Variants in TMEM132E observed in about 807,000 individuals in gnomAD.
TMEM132E encodes the protein transmembrane protein 132E.
In TMEM132E, 49 loss-of-function variants were observed where a neutral mutation model predicts 78.5. That is an observed-to-expected ratio of 0.62 (90% CI 0.50 to 0.79). The LOEUF is 0.79. Ranked by LOEUF, TMEM132E falls within the 30% of genes least tolerant of loss-of-function variation. The pLI, the probability that TMEM132E is intolerant of heterozygous loss-of-function variation, is 0.00. For synonymous variants in TMEM132E, 715 were observed against 670.6 expected, an observed-to-expected ratio of 1.07 and a Z score of -1.02; for missense variants, 1,403 against 1,470.9, an observed-to-expected ratio of 0.95 and a Z score of 0.75.
rs2142087627 is a variant in TMEM132E at position 34,636,028 on chromosome 17, G to T, written c.1999G>T (p.Ala667Ser). ...TCAGGTGGTGTCTCCGCTGACGGAG[G>T]CTGTGCTCGGGGAGACGCTGCTGAC... The part of the protein sequence containing the change: ...PFKVVSPLTE[A>S]VLGETLLTVT... The change falls in exon 8 of 9, where the codon GCT becomes TCT. Residue 667 changes from alanine to serine, a missense_variant. Physicochemically the swap from Ala to Ser is moderately conservative, Grantham distance 99. Coordinates refer to ENST00000631683, the MANE Select transcript of TMEM132E (RefSeq NM_001304438.2). 1 of 1,523,262 alleles carries T rather than the reference G, an allele frequency of 6.6e-7. No individual in the cohort carries two copies. Among genetic ancestry groups the T allele is most frequent in the Admixed American group, 2.2e-5 (1 of 45,760 alleles). 94.4% of individuals were successfully genotyped at this position (1,523,262 alleles called of 1,614,324 possible).
At chr17:34,593,814 A>C (rs1370434611) in intron 1 of TMEM132E, among the ~76,000 whole-genome samples, 3 of 152,244 alleles carry the variant, frequency 2.0e-5, no homozygotes, top group Non-Finnish European at 4.4e-5. Context: ...AGTGAGAGCC[A>C]AAGTCCTCAC....
rs753785808 is a variant in TMEM132E at position 34,637,209 on chromosome 17, T to C, written c.2202T>C (p.Ser734=). The change falls in exon 9 of 9, where the codon AGT becomes AGC. Residue 734 remains serine (S), a synonymous_variant. Coordinates refer to ENST00000631683, the MANE Select transcript of TMEM132E (RefSeq NM_001304438.2). ...EALLSLWLSY[S]DGTTAPLSLY... ...TACTGAGCCTCTGGCTCTCCTACAG[T>C]GATGGCACCACAGCCCCACTCTCCC... The C allele has an allele frequency of 1.2e-6, 2 of 1,610,276 alleles. No homozygotes were observed. Among genetic ancestry groups the C allele is most frequent in the Admixed American group, 3.3e-5 (2 of 59,942 alleles).
At position 34,596,492 on chromosome 17, in the gene TMEM132E, A is replaced by G. The variant is rs115394726; in HGVS notation, c.67+15349A>G. The stretch of plus-strand genomic sequence containing the variant: ...GTGTCATAGAGGATGTGTCACACCC[A>G]TTCAGCTTGGTCCCAGTGCCATCAA... On this transcript the variant is annotated intron_variant, in intron 1 of 8. Coordinates refer to ENST00000631683, the MANE Select transcript of TMEM132E (RefSeq NM_001304438.2). Among the ~76,000 whole-genome samples, 856 of 152,242 alleles carry G rather than the reference A, an allele frequency of 5.6e-3. 11 individuals are homozygous for G. The highest frequency in any genetic ancestry group is 0.019 in the African/African-American group (805 of 41,542).
intron 3 of TMEM132E, 84 bp from the exon 4 acceptor site, chr17:34,628,928 G>A (rs1490793508): frequency 4.1e-6 from 6 of 1,472,716 alleles, no homozygotes; most frequent in Non-Finnish European, 5.5e-6. Flanking sequence ...GGGGAGGGGT[G>A]GGGTCCCCAC....
intron 1 of TMEM132E, among the ~76,000 whole-genome samples, chr17:34,590,948 A>T (rs1905847373): frequency 6.6e-6 from 1 of 151,572 alleles, no homozygotes; most frequent in African/African-American, 2.4e-5. Flanking sequence ...ACCAGAAGTC[A>T]TCTGAGGCGC....
intron 1 of TMEM132E, among the ~76,000 whole-genome samples, chr17:34,614,204 C>T (rs535475212): frequency 6.6e-6 from 1 of 152,318 alleles, no homozygotes; most frequent in South Asian, 2.1e-4. Context: ...AAGAGAGGCT[C>T]TTCAACAGTG....
In TMEM132E at chr17:34,581,045, T is replaced by C. The variant is rs4795938; in HGVS notation, c.-32T>C. ...GGGCCAAGTCGTCGTCGACTGTTGC[T>C]CTCTCGGACCCCTCCCGCCCCCGCC... On this transcript the variant is annotated 5_prime_UTR_variant, in exon 1 of 9. Transcript: ENST00000631683. 0.85 allele frequency: 1,301,661 copies of C among 1,522,808 alleles called. 557,625 individuals carry two copies. The highest frequency in any genetic ancestry group is 0.97 in the African/African-American group (68,279 of 70,186). 94.3% of individuals were successfully genotyped at this position (1,522,808 alleles called of 1,614,324 possible).
chr17:34,598,465 C>G (rs895616740), intron 1 of TMEM132E, among the ~76,000 whole-genome samples: 3 of 152,098 alleles, frequency 2.0e-5, no homozygotes, highest in African/African-American at 7.2e-5. Flanking sequence ...TGCTGGGTAC[C>G]CAGCACCCTC....
At chr17:34,609,736 G>C (rs1291337673) in intron 1 of TMEM132E, among the ~76,000 whole-genome samples, 1 of 152,188 alleles carries the variant, frequency 6.6e-6, no homozygotes, top group Non-Finnish European at 1.5e-5. Context: ...TTTTGCAACA[G>C]TCTATGTGAA....
chr17:34,615,588 C>G (rs1288131423), intron 1 of TMEM132E, among the ~76,000 whole-genome samples: 2 of 151,134 alleles, frequency 1.3e-5, no homozygotes, highest in Admixed American at 1.3e-4. Context: ...CCCAGTCATT[C>G]CTTCACTCAC....
chr17:34,617,573 C>A (rs928135729), intron 1 of TMEM132E, among the ~76,000 whole-genome samples: 2 of 152,180 alleles, frequency 1.3e-5, no homozygotes, highest in Admixed American at 1.3e-4. Context: ...TTACACCAAG[C>A]GAGCAATTTG....
chr17:34,603,297 G>A (rs1304359067), intron 1 of TMEM132E, among the ~76,000 whole-genome samples: 1 of 152,064 alleles, frequency 6.6e-6, no homozygotes, highest in African/African-American at 2.4e-5. Context: ...GAGCCTGGAG[G>A]GTAACAGACA....
intron 1 of TMEM132E, 97 bp from the exon 2 acceptor site, chr17:34,626,030 C>A: frequency 4.3e-6 from 5 of 1,170,552 alleles, no homozygotes; most frequent in Non-Finnish European, 5.8e-6. Flanking sequence ...AGTTGGCAGC[C>A]CTCTGTGGGG....
intron 1 of TMEM132E, chr17:34,614,554 A>G (rs1447677132): frequency 6.6e-6 from 1 of 152,222 alleles, no homozygotes. Flanking sequence ...GAAATCACAG[A>G]TGCAGACAGA....
rs536934258 is a variant in TMEM132E at position 34,580,619 on chromosome 17, G to A, written c.-458G>A. 406 of 162,516 alleles carry A rather than the reference G, an allele frequency of 2.5e-3. 1 individual carries two copies. The highest frequency in any genetic ancestry group is 9.0e-3 in the African/African-American group (379 of 41,996). 10.1% of individuals were successfully genotyped at this position (162,516 alleles called of 1,614,324 possible). On this transcript the variant is annotated 5_prime_UTR_variant, in exon 1 of 9. Transcript: ENST00000631683. ...TGCAGGGGCTTGGAGGAAGAAAGCG[G>A]CGCTATCCATGTGCGGTTACTACCG...
At position 34,580,249 on chromosome 17, in the gene TMEM132E, A is replaced by C. The variant is rs907646076; in HGVS notation, c.-828A>C. The C allele has an allele frequency of 2.0e-5, 3 of 152,310 alleles. No homozygotes were observed. The highest frequency in any genetic ancestry group is 6.5e-5 in the Admixed American group (1 of 15,294). 9.4% of individuals were successfully genotyped at this position (152,310 alleles called of 1,614,324 possible). ...TCCCTCGCTTCTCCAAGCCCCATCT[A>C]CATGGGGCAGCCCGTTCTGGCCGCG... On this transcript the variant is annotated 5_prime_UTR_variant, in exon 1 of 9. Coordinates refer to ENST00000631683, the MANE Select transcript of TMEM132E (RefSeq NM_001304438.2).
chr17:34,630,673 A>G (rs1447763867), intron 5 of TMEM132E, among the ~76,000 whole-genome samples: 1 of 152,168 alleles, frequency 6.6e-6, no homozygotes, highest in African/African-American at 2.4e-5. Context: ...AAGCCTCAAG[A>G]AACATATGAG....
chr17:34,613,207 A>ACGCGCG (rs1245968091), intron 1 of TMEM132E, among the ~76,000 whole-genome samples: 38 of 83,006 alleles, frequency 4.6e-4, no homozygotes, highest in East Asian at 2.0e-3. Context: ...CCACACACAC[A>ACGCGCG]CACACGCGCG....
rs189084568 is a variant in TMEM132E at position 34,615,508 on chromosome 17, C to T, written c.68-10619C>T. Among the ~76,000 whole-genome samples the T allele has an allele frequency of 4.4e-3, 542 of 124,218 alleles. 3 individuals carry two copies. Among genetic ancestry groups the T allele is most frequent in the African/African-American group, 0.015 (514 of 34,268 alleles). The allele number at this position is 124,218 out of a possible 152,430, so 81.5% of individuals were successfully genotyped here. A position where few individuals can be genotyped will look rare whatever the true frequency, so the allele number is the denominator to read the frequency against. On this transcript the variant is annotated intron_variant, in intron 1 of 8. Coordinates refer to ENST00000631683, the MANE Select transcript of TMEM132E (RefSeq NM_001304438.2). ...AGCAAGGGTGCCTGCAAGGGGAAGACTGGCACAGATGTGTGTGTGTGTGTG... is the reference window on the plus strand; with the variant it reads ...AGCAAGGGTGCCTGCAAGGGGAAGATTGGCACAGATGTGTGTGTGTGTGTG...
Sources: allele counts gnomAD v4.1 joint callset (sites outside exome capture counted in the v4.1 genomes callset), GRCh38; gene constraint gnomAD v4.1.1; transcripts MANE v1.5; gene names NCBI Gene and HGNC (gene_info 2026-07-23, HGNC 2026-07-21).